Variants in CYTH1 observed in about 807,000 individuals in gnomAD.
CYTH1 encodes the protein cytohesin-1.
Under a neutral mutation model 61.8 loss-of-function variants are expected in CYTH1, and 18 were observed. That is an observed-to-expected ratio of 0.29 (90% CI 0.20 to 0.43). CYTH1 has a LOEUF of 0.43. CYTH1 is among the 20% of genes least tolerant of loss of function. CYTH1 has a pLI of 1.00. For synonymous variants in CYTH1, 174 were observed against 184.3 expected (o/e 0.94, Z 0.45); for missense variants, 336 against 510.5 (o/e 0.66, Z 3.29).
intron 1 of CYTH1, among the ~76,000 whole-genome samples, chr17:78,710,624 A>G (rs141452563): frequency 2.5e-3 from 386 of 152,362 alleles, no homozygotes; most frequent in Non-Finnish European, 3.8e-3. Context: ...AGGTCACTTC[A>G]GACAAGTTAT....
chr17:78,694,330 ATC>A (rs1172750924), intron 10 of CYTH1, among the ~76,000 whole-genome samples: 9 of 152,318 alleles, frequency 5.9e-5, no homozygotes, highest in African/African-American at 2.2e-4. Flanking sequence ...CCTGTGCTAT[ATC>A]AAGCAAATTG....
At chr17:78,753,381 ACT>A (rs2093388027) in intron 1 of CYTH1, among the ~76,000 whole-genome samples, 1 of 152,058 alleles carries the variant, frequency 6.6e-6, no homozygotes, top group African/African-American at 2.4e-5. Context: ...TCCCCAGAAG[ACT>A]CATGCTCTTG....
intron 11 of CYTH1, among the ~76,000 whole-genome samples, chr17:78,681,556 G>A (rs1273702143): frequency 6.6e-6 from 1 of 152,046 alleles, no homozygotes; most frequent in Non-Finnish European, 1.5e-5. Context: ...AACTCCACCT[G>A]GATTTCCAAA....
chr17:78,701,262 T>A (rs1485073778), intron 6 of CYTH1, among the ~76,000 whole-genome samples: 1 of 152,206 alleles, frequency 6.6e-6, no homozygotes, highest in Non-Finnish European at 1.5e-5. Context: ...AAATACAGAA[T>A]GACAGTTTCT....
At chr17:78,766,822 AG>A (rs1395275283) in intron 1 of CYTH1, among the ~76,000 whole-genome samples, 1 of 152,208 alleles carries the variant, frequency 6.6e-6, no homozygotes, top group Non-Finnish European at 1.5e-5. Context: ...AAAAATGAAG[AG>A]GGGGGTGTGA....
intron 1 of CYTH1, among the ~76,000 whole-genome samples, chr17:78,729,801 G>GT (rs2093283651): frequency 6.6e-6 from 1 of 152,144 alleles, no homozygotes; most frequent in Admixed American, 6.5e-5. Context: ...CTTCTCACAA[G>GT]TAACACCTAC....
At chr17:78,736,671 G>A (rs2093321583) in intron 1 of CYTH1, 1 of 386,022 alleles carries the variant, frequency 2.6e-6, no homozygotes, top group Non-Finnish European at 5.5e-6. Context: ...GTCCCGGCCG[G>A]GGGCTGCGGC....
At chr17:78,703,673 C>T (rs534833374) in intron 3 of CYTH1, among the ~76,000 whole-genome samples, 1 of 152,298 alleles carries the variant, frequency 6.6e-6, no homozygotes, top group South Asian at 2.1e-4. Context: ...ATCATACAAA[C>T]AGAATCATAA....
At chr17:78,683,789 A>G (rs1216941732) in intron 11 of CYTH1, among the ~76,000 whole-genome samples, 1 of 152,136 alleles carries the variant, frequency 6.6e-6, no homozygotes, top group East Asian at 1.9e-4. Flanking sequence ...TGTTTCCTAA[A>G]CAGTTCTCAG....
At chr17:78,707,915 G>A (rs1159995783) in intron 3 of CYTH1, among the ~76,000 whole-genome samples, 2 of 151,996 alleles carry the variant, frequency 1.3e-5, no homozygotes, top group Admixed American at 6.5e-5. Flanking sequence ...TCTTGACCTC[G>A]TGATCCACCT....
intron 11 of CYTH1, 40 bp from the exon 12 acceptor site, chr17:78,681,082 T>C: frequency 6.3e-7 from 1 of 1,596,660 alleles, no homozygotes; most frequent in Non-Finnish European, 8.6e-7. Context: ...AGATCACAGT[T>C]TAAGGACACA....
chr17:78,704,266 G>A (rs1285948403), intron 3 of CYTH1, among the ~76,000 whole-genome samples: 1 of 152,180 alleles, frequency 6.6e-6, no homozygotes, highest in Non-Finnish European at 1.5e-5. Context: ...TGGACCGGCT[G>A]AGTAACTCAG....
intron 12 of CYTH1, 115 bp from the exon 13 acceptor site, chr17:78,680,459 T>C (rs1598810986): frequency 1.7e-6 from 2 of 1,183,076 alleles, no homozygotes; most frequent in South Asian, 1.6e-5. Flanking sequence ...ATACAAGGAA[T>C]ACATATTTTC....
In CYTH1 at chr17:78,698,143, G is replaced by A. The variant is rs548101881; in HGVS notation, c.811+126C>T. 5.1e-4 allele frequency: 401 copies of A among 785,988 alleles called. No individual in the cohort carries two copies. The Middle Eastern group carries it at 8.8e-3, about 17-fold the overall frequency. The allele number at this position is 785,988 out of a possible 1,614,324, so 48.7% of individuals were successfully genotyped here. On this transcript the variant is annotated intron_variant, in intron 9 of 13. Coordinates refer to ENST00000446868, the MANE Select transcript of CYTH1 (RefSeq NM_004762.6). ...AACATGCATGCGCGTGCACACACAC[G>A]CACGCGCACACATGCACACGCACAA...
chr17:78,776,915 C>T (rs1284782237), intron 1 of CYTH1, among the ~76,000 whole-genome samples: 3 of 150,892 alleles, frequency 2.0e-5, no homozygotes, highest in African/African-American at 4.9e-5. Context: ...CACCTGAGGT[C>T]GGGAGTTCGA....
At chr17:78,703,365 T>C (rs1466359221) in intron 3 of CYTH1, among the ~76,000 whole-genome samples, 1 of 120,694 alleles carries the variant, frequency 8.3e-6, no homozygotes, top group African/African-American at 3.3e-5. Context: ...TGAGTGGAGA[T>C]CCACCACTGC....
Position 78,680,222 on chromosome 17 carries a change from G to C in CYTH1, c.1086C>G (p.Pro362=), listed in dbSNP as rs774601118. ...ACTTAATCCACTCCTCCTTCTCCTC[G>C]GGCGTCGGAGCTGAGATCCGGTAAA... The part of the protein sequence containing the change: ...HTVYRISAPT[P]EEKEEWIKCI... The change falls in exon 13 of 14, where the codon CCC becomes CCG. Residue 362 remains proline (P), a synonymous_variant. Coordinates refer to ENST00000446868, the MANE Select transcript of CYTH1 (RefSeq NM_004762.6). 8.1e-6 allele frequency: 13 copies of C among 1,613,994 alleles called. No homozygotes were observed. Among genetic ancestry groups the C allele is most frequent in the Non-Finnish European group, 1.1e-5 (13 of 1,180,014 alleles).
At chr17:78,699,310 G>A (rs1277802947) in intron 7 of CYTH1, among the ~76,000 whole-genome samples, 1 of 151,842 alleles carries the variant, frequency 6.6e-6, no homozygotes, top group Non-Finnish European at 1.5e-5. Flanking sequence ...CTTGCAGTGA[G>A]CCGAGATAGC....
intron 2 of CYTH1, chr17:78,709,232 A>C: frequency 2.4e-5 from 4 of 168,392 alleles, no homozygotes; most frequent in Non-Finnish European, 5.0e-5. Context: ...AGTTCAAGGA[A>C]CCGGAACTCT....
Sources: allele counts gnomAD v4.1 joint callset (sites outside exome capture counted in the v4.1 genomes callset), GRCh38; gene constraint gnomAD v4.1.1; transcripts MANE v1.5; gene names NCBI Gene and HGNC (gene_info 2026-07-23, HGNC 2026-07-21).